CLIC5: variants seen among roughly 807,000 people sequenced by gnomAD.
CLIC5 encodes the protein chloride intracellular channel protein 5.
In CLIC5, 20 loss-of-function variants were observed where a neutral mutation model predicts 24.7. That is an observed-to-expected ratio of 0.81 (90% CI 0.57 to 1.18). The LOEUF (loss-of-function observed/expected upper bound fraction) is 1.18. CLIC5 is among the 50% of genes most tolerant of loss of function. CLIC5 has a pLI of 0.00. For missense variants in CLIC5, 341 were observed against 326.1 expected, an observed-to-expected ratio of 1.05 and a Z score of -0.35; for synonymous variants, 159 against 135.6, an observed-to-expected ratio of 1.17 and a Z score of -1.20.
intron 1 of CLIC5, among the ~76,000 whole-genome samples, chr6:46,037,975 G>C (rs141201823): frequency 8.3e-4 from 126 of 152,220 alleles, no homozygotes; most frequent in Non-Finnish European, 1.1e-3. Context: ...AGGGAAAGAG[G>C]ATGAGACCTA....
rs928868258 is a variant in CLIC5, at chr6:45,900,675, T to C, written c.*2413A>G. 1 of 152,200 alleles carries C rather than the reference T, an allele frequency of 6.6e-6. No homozygotes were observed. Among genetic ancestry groups the C allele is most frequent in the Non-Finnish European group, 1.5e-5 (1 of 68,038 alleles). 9.4% of individuals were successfully genotyped at this position (152,200 alleles called of 1,614,324 possible). ...CAGTGCTGAAATATAAAGAAATTTC[T>C]GAATTAAGTACCCAGAAGTGCCTTC... On this transcript the variant is annotated 3_prime_UTR_variant, in exon 6 of 6. Transcript: ENST00000339561.
At chr6:46,112,893 C>G in the CLIC5 span, among the ~76,000 whole-genome samples, 47,855 of 152,016 alleles carry the variant, frequency 0.31, 7,958 homozygotes, top group Middle Eastern at 0.43. Flanking sequence ...CCCATCTCTA[C>G]TTAAAATATA....
At chr6:45,893,471 C>T (rs576609834), downstream of CLIC5, among the ~76,000 whole-genome samples, 1 of 152,192 alleles carries the variant, frequency 6.6e-6, no homozygotes, top group East Asian at 1.9e-4. Context: ...CTTTGCAGAC[C>T]ATTTTTCTAG....
At chr6:46,024,199 C>CAACT (rs1356563123) in intron 1 of CLIC5, among the ~76,000 whole-genome samples, 1 of 152,152 alleles carries the variant, frequency 6.6e-6, no homozygotes, top group African/African-American at 2.4e-5. Flanking sequence ...TAATCTTAGA[C>CAACT]AACTAGATTC....
the CLIC5 span, among the ~76,000 whole-genome samples, chr6:46,098,273 G>A: frequency 3.3e-5 from 5 of 152,168 alleles, no homozygotes; most frequent in African/African-American, 1.2e-4. Flanking sequence ...AGTGTGATGG[G>A]TCAAGAAATT....
At chr6:45,929,636 T>C (rs942860947) in intron 4 of CLIC5, among the ~76,000 whole-genome samples, 2 of 152,182 alleles carry the variant, frequency 1.3e-5, no homozygotes, top group Admixed American at 6.5e-5. Flanking sequence ...CGGTCACATG[T>C]TATCCGCATT....
exon 7 of CLIC5, chr6:45,881,130 A>G (rs1214486168): frequency 2.5e-6 from 1 of 397,698 alleles, no homozygotes; most frequent in East Asian, 3.6e-5. Flanking sequence ...GCTTCTCCCC[A>G]TTTCTTCTGC....
intron 1 of CLIC5, among the ~76,000 whole-genome samples, chr6:45,955,470 G>C (rs1296914033): frequency 6.6e-6 from 1 of 152,198 alleles, no homozygotes; most frequent in Non-Finnish European, 1.5e-5. Context: ...TGAACTTGAT[G>C]ATTATGCAGA....
intron 1 of CLIC5, among the ~76,000 whole-genome samples, chr6:45,962,227 G>C (rs909470657): frequency 3.2e-4 from 49 of 150,972 alleles, no homozygotes; most frequent in African/African-American, 1.1e-3. Flanking sequence ...ATCAGTTGGG[G>C]TGTGAAGAGA....
intron 6 of CLIC5, among the ~76,000 whole-genome samples, chr6:45,885,918 T>G (rs114341646): frequency 3.9e-3 from 598 of 152,284 alleles, no homozygotes; most frequent in African/African-American, 0.013. Context: ...AATCAAAATA[T>G]GAGCTCCCCA....
intron 1 of CLIC5, among the ~76,000 whole-genome samples, chr6:46,056,295 C>T (rs1768252641): frequency 6.6e-6 from 1 of 152,000 alleles, no homozygotes; most frequent in African/African-American, 2.4e-5. Context: ...ATACTTAGCC[C>T]TCTTGAATTC....
chr6:46,108,393 T>TGA, the CLIC5 span, among the ~76,000 whole-genome samples: 7 of 135,140 alleles, frequency 5.2e-5, no homozygotes, highest in South Asian at 5.9e-4. Context: ...TGTGTGTGTG[T>TGA]GTGTGTGTGA....
At chr6:45,957,873 AG>A (rs1171291189) in intron 1 of CLIC5, among the ~76,000 whole-genome samples, 2 of 152,190 alleles carry the variant, frequency 1.3e-5, no homozygotes, top group Non-Finnish European at 2.9e-5. Flanking sequence ...TCAACAGAGA[AG>A]AACCAGGTGG....
intron 1 of CLIC5, among the ~76,000 whole-genome samples, chr6:45,978,944 C>T (rs1257697136): frequency 1.0e-5 from 1 of 96,108 alleles, no homozygotes. Flanking sequence ...GAGCAAAACT[C>T]CATTAAAAAA....
chr6:45,962,034 A>G (rs1046714469), intron 1 of CLIC5, among the ~76,000 whole-genome samples: 3 of 143,658 alleles, frequency 2.1e-5, no homozygotes, highest in Admixed American at 7.0e-5. Flanking sequence ...GTGTGTGTGT[A>G]TTTATATATA....
intron 1 of CLIC5, among the ~76,000 whole-genome samples, chr6:45,996,295 T>C (rs1766136630): frequency 6.6e-6 from 1 of 152,090 alleles, no homozygotes; most frequent in South Asian, 2.1e-4. Flanking sequence ...ATTTTGTAGG[T>C]TGCCTGTTCA....
Position 45,903,679 on chromosome 6 carries a change from C to T in CLIC5, c.589-424G>A, listed in dbSNP as rs188643985. 6.9e-4 allele frequency among the ~76,000 whole-genome samples: 105 copies of T among 152,232 alleles called. 1 individual carries two copies. The highest frequency in any genetic ancestry group is 2.5e-3 in the African/African-American group (104 of 41,520). ...TTAAAAATGATGCTGCTAAGAAAATCTAGTGATCTGGAAAACTCTCCAAGA... is the reference window on the plus strand; with the variant it reads ...TTAAAAATGATGCTGCTAAGAAAATTTAGTGATCTGGAAAACTCTCCAAGA... On this transcript the variant is annotated intron_variant, in intron 5 of 5. Coordinates refer to ENST00000339561, the MANE Select transcript of CLIC5 (RefSeq NM_016929.5).
rs1763609221 is a variant in CLIC5, at chr6:45,928,795, TA to T, written c.406+12751del. On this transcript the variant is annotated intron_variant, in intron 4 of 5. Transcript: ENST00000339561. Reference sequence around the variant, plus strand: ...GTGTGTGTGTGTGTGTGTGTGTGTGTAGAGAGAGAGAGATTGAGAAACGTAT... The same window carrying T: ...GTGTGTGTGTGTGTGTGTGTGTGTGTGAGAGAGAGAGATTGAGAAACGTAT... 6.7e-5 allele frequency among the ~76,000 whole-genome samples: 10 copies of T among 148,476 alleles called. No individual in the cohort carries two copies. The South Asian group carries it at 1.1e-3, about 16-fold the overall frequency.
rs531464532 is a variant in CLIC5, at chr6:45,973,051, C to G, written c.64-17807G>C. Among the ~76,000 whole-genome samples, 5 of 152,282 alleles carry G rather than the reference C, an allele frequency of 3.3e-5. No homozygotes were observed. In the East Asian group the frequency reaches 9.6e-4, roughly 29 times the overall value. On this transcript the variant is annotated intron_variant, in intron 1 of 5. Transcript: ENST00000339561. ...CAGGTGCTGAAAGTGGACACTGAAG[C>G]TGAAACTGGAGCTGAGGTTAAATTA...
Sources: gnomAD v4.1 joint callset for allele counts (sites outside exome capture counted in the v4.1 genomes callset) on GRCh38, gnomAD v4.1.1 for gene constraint, MANE v1.5 for transcripts, NCBI Gene and HGNC (gene_info 2026-07-23, HGNC 2026-07-21) for gene names.